Variants in AGPAT3 observed in about 807,000 individuals in gnomAD.
AGPAT3 encodes 1-acyl-sn-glycerol-3-phosphate acyltransferase gamma.
AGPAT3 carries 5 observed loss-of-function variants against 47.3 expected under a neutral mutation model. The observed-to-expected ratio is 0.11, with a 90% CI of 0.06 to 0.22. The LOEUF (loss-of-function observed/expected upper bound fraction) is 0.22. Among genes scored for constraint, AGPAT3 ranks in the 10% least tolerant of loss-of-function variants. The probability of loss-of-function intolerance (pLI) is 1.00; values close to 1 mark genes in which losing one functional copy is unlikely to be tolerated. For synonymous variants in AGPAT3, 212 were observed against 208.3 expected, an observed-to-expected ratio of 1.02 and a Z score of -0.15; for missense variants, 315 against 493.0, an observed-to-expected ratio of 0.64 and a Z score of 3.42.
At chr21:43,902,611 G>A (rs2086384540) in intron 1 of AGPAT3, among the ~76,000 whole-genome samples, 1 of 152,168 alleles carries the variant, frequency 6.6e-6, no homozygotes, top group South Asian at 2.1e-4. Context: ...TTGGCATAAT[G>A]GCACCAATCC....
intron 1 of AGPAT3, among the ~76,000 whole-genome samples, chr21:43,881,228 C>A (rs1355147757): frequency 1.3e-5 from 2 of 152,024 alleles, no homozygotes; most frequent in Non-Finnish European, 2.9e-5. Flanking sequence ...GGGAGTGGGT[C>A]AATTTTTTCT....
At chr21:43,872,556 AT>A (rs1206073819) in intron 1 of AGPAT3, among the ~76,000 whole-genome samples, 1 of 152,208 alleles carries the variant, frequency 6.6e-6, no homozygotes, top group East Asian at 1.9e-4. Context: ...ACTTTTGGGT[AT>A]TGATTTAACA....
At chr21:43,929,214 C>T (rs549711699) in intron 2 of AGPAT3, among the ~76,000 whole-genome samples, 79 of 152,312 alleles carry the variant, frequency 5.2e-4, no homozygotes, top group Non-Finnish European at 7.2e-4. Context: ...CATGTACAGC[C>T]GTGTGGCGGC....
rs1015263210 is a variant in AGPAT3 at position 43,880,212 on chromosome 21, G to A, written c.-112+14867G>A. ...GCTGGTGCTGTGTTCCTGGACCAGC[G>A]TCCGATTTCCCTGCTGCTGAATCAC... On this transcript the variant is annotated intron_variant, in intron 1 of 9. Coordinates refer to ENST00000291572, the MANE Select transcript of AGPAT3 (RefSeq NM_020132.5). This position sits in a 1 kb window ranked among gnomAD's most constrained non-coding sequence, Gnocchi z 4.5. 1.6e-4 allele frequency among the ~76,000 whole-genome samples: 25 copies of A among 152,148 alleles called. No homozygotes were observed. Among genetic ancestry groups the A allele is most frequent in the African/African-American group, 2.4e-5 (1 of 41,432 alleles).
intron 2 of AGPAT3, among the ~76,000 whole-genome samples, chr21:43,949,902 C>T (rs1569083982): frequency 6.6e-6 from 1 of 152,194 alleles, no homozygotes; most frequent in Non-Finnish European, 1.5e-5. Context: ...GATCATATAT[C>T]CATATCCTCC....
chr21:43,919,291 A>G (rs963634490), intron 2 of AGPAT3, among the ~76,000 whole-genome samples: 7 of 151,944 alleles, frequency 4.6e-5, no homozygotes, highest in African/African-American at 9.7e-5. Context: ...TGGACCCAAT[A>G]TAGAGTCTCT....
intron 1 of AGPAT3, among the ~76,000 whole-genome samples, chr21:43,878,979 AACCTGCCC>A (rs1207638548): frequency 3.2e-4 from 48 of 152,118 alleles, no homozygotes; most frequent in Admixed American, 3.1e-3. Flanking sequence ...TGCCTCAAGC[AACCTGCCC>A]ACCTCGGGTC....
At chr21:43,896,285 G>A (rs115432053) in intron 1 of AGPAT3, among the ~76,000 whole-genome samples, 248 of 152,246 alleles carry the variant, frequency 1.6e-3, no homozygotes, top group African/African-American at 5.4e-3. Context: ...TCGTTTAAGC[G>A]TCTGTGGGGT....
intron 2 of AGPAT3, among the ~76,000 whole-genome samples, chr21:43,957,411 C>G (rs2088526037): frequency 6.6e-6 from 1 of 152,214 alleles, no homozygotes; most frequent in Non-Finnish European, 1.5e-5. Context: ...GCACTCAGTG[C>G]CCTTCCAGAG....
In AGPAT3 at chr21:43,983,683, T is replaced by C. The variant is rs977649259; in HGVS notation, c.*1291T>C. 2.0e-5 allele frequency: 3 copies of C among 152,230 alleles called. No individual in the cohort carries two copies. The highest frequency in any genetic ancestry group is 7.2e-5 in the African/African-American group (3 of 41,470). The allele number at this position is 152,230 out of a possible 1,614,324, so 9.4% of individuals were successfully genotyped here. On this transcript the variant is annotated 3_prime_UTR_variant, in exon 10 of 10. Transcript: ENST00000291572. ...CTACAGCATGTCCACTCCCCCGGCA[T>C]GGCCAGGTGGGGCCCCTGGGGCAAT...
At chr21:43,938,636 A>G (rs1480084498) in intron 2 of AGPAT3, among the ~76,000 whole-genome samples, 2 of 152,088 alleles carry the variant, frequency 1.3e-5, no homozygotes, top group East Asian at 3.8e-4. Flanking sequence ...CCAGCCCTAT[A>G]AATAGTCATC....
chr21:43,935,808 G>T (rs747969250), intron 2 of AGPAT3, among the ~76,000 whole-genome samples: 110 of 152,190 alleles, frequency 7.2e-4, no homozygotes, highest in Non-Finnish European at 1.2e-3. Context: ...GAGGAGCTCA[G>T]ACTCAGGCCC....
rs79075641 is a variant in AGPAT3 at position 43,944,499 on chromosome 21, C to T, written c.-48-15135C>T. Among the ~76,000 whole-genome samples the T allele has an allele frequency of 3.5e-3, 534 of 152,344 alleles. 1 individual carries two copies. Among genetic ancestry groups the T allele is most frequent in the African/African-American group, 0.012 (513 of 41,592 alleles). On this transcript the variant is annotated intron_variant, in intron 2 of 9. Transcript: ENST00000291572. ...CTGGAGAGGAGGCCGCGGGAGTCAT[C>T]GCGGGGCAGATCCTGGAGGCCAGCA...
chr21:43,876,738 C>A (rs1010982603), intron 1 of AGPAT3, among the ~76,000 whole-genome samples: 1 of 152,154 alleles, frequency 6.6e-6, no homozygotes, highest in South Asian at 2.1e-4. Flanking sequence ...TCTAAAACTA[C>A]CTGGTGGAGG....
At position 43,875,907 on chromosome 21, in the gene AGPAT3, C is replaced by A. The variant is rs139951094; in HGVS notation, c.-112+10562C>A. ...ACAGGTGTGAGCCACCGTGCCCAGC[C>A]TCTGCGCTATTAATATTTAACCTGT... is the stretch of plus-strand genomic sequence containing the variant. On this transcript the variant is annotated intron_variant, in intron 1 of 9. Coordinates refer to ENST00000291572, the MANE Select transcript of AGPAT3 (RefSeq NM_020132.5). Among the ~76,000 whole-genome samples the A allele has an allele frequency of 5.3e-3, 807 of 152,314 alleles. 6 individuals carry two copies. The highest frequency in any genetic ancestry group is 0.018 in the African/African-American group (756 of 41,572).
chr21:43,978,448 G>A (rs934381953), intron 8 of AGPAT3, among the ~76,000 whole-genome samples: 3 of 152,078 alleles, frequency 2.0e-5, no homozygotes, highest in Admixed American at 2.0e-4. Context: ...AGCTACAGGC[G>A]CAAGCCACCA....
At chr21:43,924,190 ATTTT>A (rs35611407) in intron 2 of AGPAT3, among the ~76,000 whole-genome samples, 1 of 141,910 alleles carries the variant, frequency 7.0e-6, no homozygotes, top group Non-Finnish European at 1.5e-5. Flanking sequence ...ATTTTTTTGT[ATTTT>A]TTTTTTTTTT....
chr21:43,951,087 C>G (rs2088170239), intron 2 of AGPAT3, among the ~76,000 whole-genome samples: 1 of 152,214 alleles, frequency 6.6e-6, no homozygotes, highest in Non-Finnish European at 1.5e-5. Context: ...CCCCAGCACC[C>G]AAGAGCCCGG....
chr21:43,910,341 C>T (rs749686545), intron 2 of AGPAT3, among the ~76,000 whole-genome samples: 6 of 152,160 alleles, frequency 3.9e-5, no homozygotes, highest in Middle Eastern at 3.2e-3. Context: ...TGTCTCCCAG[C>T]GGCTGTGGCC....
Sources: gnomAD v4.1 joint callset for allele counts (sites outside exome capture counted in the v4.1 genomes callset) on GRCh38, gnomAD v4.1.1 for gene constraint, Gnocchi (gnomAD v3.1) non-coding constraint, MANE v1.5 for transcripts, NCBI Gene and HGNC (gene_info 2026-07-23, HGNC 2026-07-21) for gene names.